ANK3: variants seen among roughly 807,000 people sequenced by gnomAD.
ANK3 encodes ankyrin-3.
Under a neutral mutation model 370.9 loss-of-function variants are expected in ANK3, and 57 were observed. The ratio of observed to expected loss-of-function variants is 0.15; its 90% CI spans 0.12 to 0.19. ANK3 has a LOEUF of 0.19. Among genes scored for constraint, ANK3 ranks in the 10% least tolerant of loss-of-function variants. The probability of loss-of-function intolerance (pLI) is 1.00; values close to 1 mark genes in which losing one functional copy is unlikely to be tolerated. For synonymous variants in ANK3, 1,929 were observed against 1,946.3 expected (o/e 0.99, Z 0.23); for missense variants, 4,439 against 5,302.1 (o/e 0.84, Z 5.06).
At chr10:60,647,944 T>C (rs948944675) in intron 1 of ANK3, among the ~76,000 whole-genome samples, 9 of 151,460 alleles carry the variant, frequency 5.9e-5, no homozygotes, top group Admixed American at 3.9e-4. Context: ...GCCTCCCAGG[T>C]TCAAGTGATT....
chr10:60,151,839 T>G (rs1334379899), intron 23 of ANK3, among the ~76,000 whole-genome samples: 1 of 152,220 alleles, frequency 6.6e-6, no homozygotes, highest in Non-Finnish European at 1.5e-5. Flanking sequence ...GCTCCAGCAC[T>G]GATGTTGTGT....
intron 1 of ANK3, among the ~76,000 whole-genome samples, chr10:60,292,184 A>G (rs142461983): frequency 6.6e-6 from 1 of 152,348 alleles, no homozygotes; most frequent in East Asian, 1.9e-4. Flanking sequence ...AAATCTAAAG[A>G]TTCAAATAAA....
intron 7 of ANK3, among the ~76,000 whole-genome samples, chr10:60,240,026 C>CAT (rs1227934155): frequency 2.1e-5 from 3 of 144,836 alleles, no homozygotes; most frequent in African/African-American, 5.1e-5. Flanking sequence ...CATATATACA[C>CAT]ATATATATAC....
At chr10:60,120,937 C>T (rs1320048519) in intron 25 of ANK3, among the ~76,000 whole-genome samples, 1 of 152,026 alleles carries the variant, frequency 6.6e-6, no homozygotes, top group Non-Finnish European at 1.5e-5. Flanking sequence ...AGCTACCATG[C>T]TATCCAGCAA....
intron 2 of ANK3, among the ~76,000 whole-genome samples, chr10:60,468,878 A>G (rs1005299345): frequency 2.7e-5 from 4 of 150,104 alleles, no homozygotes; most frequent in Middle Eastern, 3.4e-3. Flanking sequence ...TTAATATTCT[A>G]ATATTTCTTT....
intron 15 of ANK3, 118 bp downstream of exon 15, chr10:60,196,409 C>A: frequency 1.1e-6 from 1 of 918,434 alleles, no homozygotes; most frequent in South Asian, 1.6e-5. Context: ...AAGTGCTCTT[C>A]ATCCTAGTGG....
chr10:60,264,110 G>T, intron 5 of ANK3, 90 bp from the exon 6 acceptor site: 1 of 1,125,404 alleles, frequency 8.9e-7, no homozygotes, highest in Non-Finnish European at 1.2e-6. Flanking sequence ...AAGTGACCAA[G>T]CATCAATTTT....
chr10:60,092,926 G>A (rs1286535930), intron 28 of ANK3, among the ~76,000 whole-genome samples: 1 of 152,172 alleles, frequency 6.6e-6, no homozygotes, highest in Non-Finnish European at 1.5e-5. Flanking sequence ...AGTAGAGATG[G>A]GGTTTCACCA....
At chr10:60,555,487 GA>G (rs920163870) in intron 2 of ANK3, among the ~76,000 whole-genome samples, 45 of 142,232 alleles carry the variant, frequency 3.2e-4, no homozygotes, top group South Asian at 2.2e-3. Context: ...AATTAAAAAT[GA>G]AAAAAAAAAG....
chr10:60,088,113 C>T (rs955035280), intron 29 of ANK3, 34 bp downstream of exon 29: 1 of 1,566,642 alleles, frequency 6.4e-7, no homozygotes, highest in Non-Finnish European at 8.8e-7. Context: ...GCTCTCTGCG[C>T]ATACTGAGGG....
At chr10:60,044,315 C>T in intron 42 of ANK3, 1 of 984,222 alleles carries the variant, frequency 1.0e-6, no homozygotes, top group Non-Finnish European at 1.2e-6. Flanking sequence ...TCTTCTGTGA[C>T]AGATTCACCA....
At chr10:60,154,903 G>A (rs2095280067) in intron 23 of ANK3, among the ~76,000 whole-genome samples, 1 of 152,018 alleles carries the variant, frequency 6.6e-6, no homozygotes, top group South Asian at 2.1e-4. Flanking sequence ...TTGAAATTAT[G>A]TTTATATTTA....
At chr10:60,531,174 A>G (rs1012307225) in intron 2 of ANK3, among the ~76,000 whole-genome samples, 1 of 152,184 alleles carries the variant, frequency 6.6e-6, no homozygotes, top group South Asian at 2.1e-4. Flanking sequence ...TGGCAACTCA[A>G]TTATGCCCAA....
At chr10:60,138,561 A>G (rs2094446071) in intron 24 of ANK3, 1 of 405,922 alleles carries the variant, frequency 2.5e-6, no homozygotes, top group Non-Finnish European at 4.3e-6. Flanking sequence ...TTATTATTTC[A>G]GTAACAGAGA....
intron 36 of ANK3, among the ~76,000 whole-genome samples, chr10:60,078,024 C>T (rs1235183214): frequency 6.6e-6 from 1 of 152,226 alleles, no homozygotes; most frequent in Non-Finnish European, 1.5e-5. Context: ...CCAAACTGGT[C>T]AGAGATTTGC....
intron 2 of ANK3, among the ~76,000 whole-genome samples, chr10:60,578,084 C>G (rs2077704617): frequency 6.6e-6 from 1 of 152,182 alleles, no homozygotes; most frequent in Admixed American, 6.5e-5. Flanking sequence ...ACACTAGATT[C>G]ATTTTTGACA....
At chr10:60,460,582 A>G (rs1460339896) in intron 2 of ANK3, among the ~76,000 whole-genome samples, 2 of 152,254 alleles carry the variant, frequency 1.3e-5, no homozygotes, top group Middle Eastern at 3.4e-3. Flanking sequence ...GTCATTTTAT[A>G]TCTGAATTTA....
intron 1 of ANK3, among the ~76,000 whole-genome samples, chr10:60,656,421 T>G (rs937572207): frequency 1.3e-5 from 2 of 152,132 alleles, no homozygotes; most frequent in African/African-American, 4.8e-5. Context: ...TAGTTAGAGA[T>G]TCATCAATGC....
rs2096350660 is a variant in ANK3, at chr10:60,186,882, T to C, written c.1918A>G (p.Lys640Glu). 6.2e-7 allele frequency: 1 copy of C among 1,614,046 alleles called. No homozygotes were observed. The highest frequency in any genetic ancestry group is 1.3e-5 in the African/African-American group (1 of 74,926). ...NGYTPLHIAAKKNQMDIATTL... is the reference protein window; with the variant it reads ...NGYTPLHIAAEKNQMDIATTL... The stretch of plus-strand genomic sequence containing the variant: ...GTCGCTATGTCCATCTGGTTCTTTT[T>C]GGCAGCGATGTGCAGTGGCGTATAA... Residue 640 changes from lysine (K) to glutamate (E), a missense_variant, in exon 17 of 44, where the codon AAA becomes GAA. Transcript: ENST00000280772.
Sources: gnomAD v4.1 joint callset for allele counts (sites outside exome capture counted in the v4.1 genomes callset) on GRCh38, gnomAD v4.1.1 for gene constraint, MANE v1.5 for transcripts, NCBI Gene and HGNC (gene_info 2026-07-23, HGNC 2026-07-21) for gene names.